Variants in PRICKLE2 observed in about 807,000 individuals in gnomAD.
PRICKLE2 encodes the protein prickle-like protein 2.
Under a neutral mutation model 81.4 loss-of-function variants are expected in PRICKLE2, and 21 were observed. The observed-to-expected ratio is 0.26, with a 90% confidence interval of 0.18 to 0.37. The LOEUF is 0.37. Among genes scored for constraint, PRICKLE2 ranks in the 10% least tolerant of loss-of-function variants. The pLI is 1.00. For synonymous variants in PRICKLE2, 456 were observed against 421.5 expected (o/e 1.08, Z -1.00); for missense variants, 940 against 1,109.0 (o/e 0.85, Z 2.16).
At chr3:64,117,511 T>C (rs1351499321) in intron 7 of PRICKLE2, among the ~76,000 whole-genome samples, 1 of 152,044 alleles carries the variant, frequency 6.6e-6, no homozygotes, top group Non-Finnish European at 1.5e-5. Context: ...AGTCTCAGGA[T>C]CAAAAATCAA....
chr3:64,246,711 C>T (rs1479077103), intron 2 of PRICKLE2, among the ~76,000 whole-genome samples: 1 of 152,180 alleles, frequency 6.6e-6, no homozygotes, highest in Non-Finnish European at 1.5e-5. Context: ...ATGTGGATCA[C>T]ACTTTGAGGA....
At chr3:64,123,040 C>T (rs1057348179) in intron 7 of PRICKLE2, among the ~76,000 whole-genome samples, 2 of 152,210 alleles carry the variant, frequency 1.3e-5, no homozygotes, top group Admixed American at 6.5e-5. Flanking sequence ...CTCCTGTCCT[C>T]AGCAGGATTT....
intron 1 of PRICKLE2, among the ~76,000 whole-genome samples, chr3:64,204,152 C>T (rs1393360904): frequency 1.3e-5 from 2 of 152,138 alleles, no homozygotes; most frequent in Non-Finnish European, 2.9e-5. Flanking sequence ...AGGGGAGAAA[C>T]ATACAATACA....
intron 2 of PRICKLE2, among the ~76,000 whole-genome samples, chr3:64,264,806 T>C (rs1187742123): frequency 2.6e-5 from 4 of 152,196 alleles, no homozygotes; most frequent in African/African-American, 4.8e-5. Context: ...TGATAAGCAA[T>C]GTCACGTATA....
chr3:64,261,721 C>G (rs1182376767), intron 2 of PRICKLE2, among the ~76,000 whole-genome samples: 3 of 152,040 alleles, frequency 2.0e-5, no homozygotes, highest in Non-Finnish European at 4.4e-5. Flanking sequence ...CTTGGGCTGG[C>G]CTGTGACTGA....
intron 2 of PRICKLE2, among the ~76,000 whole-genome samples, chr3:64,260,355 G>A (rs548524440): frequency 3.3e-5 from 5 of 152,282 alleles, no homozygotes; most frequent in Non-Finnish European, 7.3e-5. Flanking sequence ...CAGCAGCTAC[G>A]AGGGCAAGAG....
Position 64,099,452 on chromosome 3 carries a change from T to C in PRICKLE2, c.2134A>G (p.Lys712Glu). ...ASEREAISRLKDRPPLRARED... is the reference protein window; with the variant it reads ...ASEREAISRLEDRPPLRARED... ...CTGGCTCTCAGAGGGGGCCTATCTTTTAACCGGGAGATGGCCTCGCGTTCG... is the reference window on the plus strand; with the variant it reads ...CTGGCTCTCAGAGGGGGCCTATCTTCTAACCGGGAGATGGCCTCGCGTTCG... The change falls in exon 8 of 8, where the codon AAA becomes GAA. Residue 712 changes from lysine to glutamate, a missense_variant. Transcript: ENST00000638394. The surrounding 1 kb of genome is among the most constrained non-coding windows in gnomAD (Gnocchi z 4.3). 6.3e-7 allele frequency: 1 copy of C among 1,585,284 alleles called. No individual in the cohort carries two copies. The highest frequency in any genetic ancestry group is 8.6e-7 in the Non-Finnish European group (1 of 1,162,470).
At chr3:64,249,752 T>C (rs1276260738) in intron 2 of PRICKLE2, among the ~76,000 whole-genome samples, 1 of 152,230 alleles carries the variant, frequency 6.6e-6, no homozygotes, top group Non-Finnish European at 1.5e-5. Context: ...TGCTGTCTTG[T>C]AGTTCAAGTA....
At chr3:64,174,662 T>C (rs2077989860) in intron 2 of PRICKLE2, 5 of 200,782 alleles carry the variant, frequency 2.5e-5, no homozygotes, top group African/African-American at 2.4e-5. Flanking sequence ...AGGGGAAATG[T>C]TTGGTGCTTT....
intron 2 of PRICKLE2, among the ~76,000 whole-genome samples, chr3:64,170,921 C>A (rs1438669778): frequency 6.6e-6 from 1 of 151,968 alleles, no homozygotes; most frequent in Non-Finnish European, 1.5e-5. Flanking sequence ...TCAAAACCCC[C>A]AAAACAACAA....
At chr3:64,245,294 CT>C (rs35653166) in intron 2 of PRICKLE2, among the ~76,000 whole-genome samples, 133,959 of 152,212 alleles carry the variant, frequency 0.88, 59,308 homozygotes, top group African/African-American at 0.93. Flanking sequence ...GACGGGAAAG[CT>C]TATCTCTGCA....
chr3:64,261,951 T>C (rs1409252206), intron 2 of PRICKLE2, among the ~76,000 whole-genome samples: 1 of 152,134 alleles, frequency 6.6e-6, no homozygotes, highest in Non-Finnish European at 1.5e-5. Context: ...GTAATCAAGG[T>C]GAAAAATGAT....
intron 7 of PRICKLE2, chr3:64,145,939 C>T (rs1193088790): frequency 1.3e-5 from 2 of 152,142 alleles, no homozygotes; most frequent in East Asian, 1.9e-4. Flanking sequence ...AAGGCCCCTT[C>T]TCCTAATGCC....
At chr3:64,109,968 G>A (rs76109759) in intron 7 of PRICKLE2, among the ~76,000 whole-genome samples, 2,421 of 152,138 alleles carry the variant, frequency 0.016, 61 homozygotes, top group African/African-American at 0.055. Context: ...ATTAACTTCC[G>A]GATAAATCAG....
intron 1 of PRICKLE2, among the ~76,000 whole-genome samples, chr3:64,202,643 TGC>T (rs1342510090): frequency 1.0e-5 from 1 of 98,838 alleles, no homozygotes; most frequent in African/African-American, 3.7e-5. Flanking sequence ...GGTACTTGTG[TGC>T]GTGTGTGTGT....
At position 64,160,121 on chromosome 3, in the gene PRICKLE2, C is replaced by T. The variant is rs755401321; in HGVS notation, c.259-44G>A. 9 of 1,605,520 alleles carry T rather than the reference C, an allele frequency of 5.6e-6. No individual in the cohort carries two copies. The South Asian group carries it at 6.6e-5, about 12-fold the overall frequency. On this transcript the variant is annotated intron_variant, in intron 3 of 7. Transcript: ENST00000638394. The stretch of plus-strand genomic sequence containing the variant: ...TGGCATGGAAAAAGTCACCCTTGCT[C>T]CTTAAGATTTCTGAAGCCCATGACT...
chr3:64,222,327 G>A (rs1286623485), intron 1 of PRICKLE2, among the ~76,000 whole-genome samples: 2 of 152,184 alleles, frequency 1.3e-5, no homozygotes, highest in Non-Finnish European at 2.9e-5. Flanking sequence ...TAGCAACCAG[G>A]AACGACCAAC....
Position 64,099,682 on chromosome 3 carries a change from G to T in PRICKLE2, c.1904C>A (p.Ser635Tyr). Residue 635 changes from serine to tyrosine, a missense_variant, in exon 8 of 8, where the codon TCC (serine) becomes TAC (tyrosine). Physicochemically the swap from Ser to Tyr is moderately radical, Grantham distance 144. Coordinates refer to ENST00000638394, the MANE Select transcript of PRICKLE2 (RefSeq NM_198859.4). The surrounding 1 kb of genome is among the most constrained non-coding windows in gnomAD (Gnocchi z 4.3). Reference protein sequence around the residue: ...SNPIGYRDLQSHGRMHQSFDF... With the variant: ...SNPIGYRDLQYHGRMHQSFDF... Reference sequence around the variant, plus strand: ...AAAGCTCTGATGCATCCTTCCGTGGGACTGCAGGTCTCTGTAGCCAATGGG... The same window carrying T: ...AAAGCTCTGATGCATCCTTCCGTGGTACTGCAGGTCTCTGTAGCCAATGGG... 2 of 1,614,176 alleles carry T rather than the reference G, an allele frequency of 1.2e-6. No homozygotes were observed. The highest frequency in any genetic ancestry group is 1.7e-6 in the Non-Finnish European group (2 of 1,180,032).
chr3:64,179,088 T>C (rs1385995016), intron 2 of PRICKLE2, among the ~76,000 whole-genome samples: 2 of 151,572 alleles, frequency 1.3e-5, no homozygotes. Context: ...CTCTGTCTCT[T>C]TCTTTCAGAC....
Sources: gnomAD v4.1 joint callset for allele counts (sites outside exome capture counted in the v4.1 genomes callset) on GRCh38, gnomAD v4.1.1 for gene constraint, Gnocchi (gnomAD v3.1) non-coding constraint, MANE v1.5 for transcripts, NCBI Gene and HGNC (gene_info 2026-07-23, HGNC 2026-07-21) for gene names.